The following RPRD1A variants were observed in gnomAD, a reference collection of about 807,000 sequenced individuals.
RPRD1A encodes regulation of nuclear pre-mRNA domain-containing protein 1A.
In RPRD1A, 9 loss-of-function variants were observed where a neutral mutation model predicts 37.8. That is an observed-to-expected ratio of 0.24 (90% CI 0.14 to 0.42). The LOEUF is 0.42. Among genes scored for constraint, RPRD1A ranks in the 10% least tolerant of loss-of-function variants. The probability of loss-of-function intolerance (pLI) is 1.00; values close to 1 mark genes in which losing one functional copy is unlikely to be tolerated. For synonymous variants in RPRD1A, 138 were observed against 139.7 expected (o/e 0.99, Z 0.08); for missense variants, 255 against 371.0 (o/e 0.69, Z 2.57).
At chr18:36,015,641 A>T (rs1342313320) in intron 6 of RPRD1A, among the ~76,000 whole-genome samples, 3 of 152,228 alleles carry the variant, frequency 2.0e-5, no homozygotes, top group Non-Finnish European at 2.9e-5. Flanking sequence ...TTCGGCCTTA[A>T]AAAGGAAGGA....
intron 1 of RPRD1A, among the ~76,000 whole-genome samples, chr18:36,055,216 T>C (rs1913676716): frequency 6.6e-6 from 1 of 152,240 alleles, no homozygotes; most frequent in East Asian, 1.9e-4. Context: ...ACAAAAATGA[T>C]TTGCTAGATT....
Position 36,030,844 on chromosome 18 carries a change from G to C in RPRD1A, c.450C>G (p.Asn150Lys). 1 of 1,613,296 alleles carries C rather than the reference G, an allele frequency of 6.2e-7. No individual in the cohort carries two copies. The highest frequency in any genetic ancestry group is 8.5e-7 in the Non-Finnish European group (1 of 1,179,490). ...CACTTGGAGATCCCAGAGAGGAACA[G>C]TTTTCATTTTCATCCACCTTTATCT... is the stretch of plus-strand genomic sequence containing the variant. ...YEQIKVDENE[N>K]CSSLGSPSEP... is the part of the protein sequence containing the mutation. The change falls in exon 4 of 7, where the codon AAC becomes AAG. Residue 150 changes from asparagine to lysine, a missense_variant. Asn to Lys is a moderately conservative substitution (Grantham distance 94, BLOSUM62 0). Coordinates refer to ENST00000399022, the MANE Select transcript of RPRD1A (RefSeq NM_018170.5).
intron 1 of RPRD1A, among the ~76,000 whole-genome samples, chr18:36,043,381 C>CAT (rs1396671242): frequency 3.3e-4 from 50 of 152,120 alleles, no homozygotes; most frequent in African/African-American, 1.1e-3. Context: ...TCTCCTGTAT[C>CAT]AATGCTTGGT....
intron 1 of RPRD1A, among the ~76,000 whole-genome samples, chr18:36,038,233 C>T (rs981550533): frequency 3.3e-5 from 5 of 152,088 alleles, no homozygotes; most frequent in African/African-American, 9.7e-5. Context: ...GCCCAGAGGC[C>T]GAGGAGGAAA....
chr18:35,995,937 G>A (rs571518883), intron 6 of RPRD1A, among the ~76,000 whole-genome samples: 4 of 152,286 alleles, frequency 2.6e-5, no homozygotes, highest in Non-Finnish European at 5.9e-5. Flanking sequence ...AATGAGGGAC[G>A]TGACCAGTAG....
chr18:36,030,413 G>T lies in RPRD1A; in HGVS notation c.486+395C>A, dbSNP rs1249386407. ...CAGGAGAATCGCTTGAACCCAGGAGGCAGAGGTTGCAGTGAGCCAAGATAG... is the reference window on the plus strand; with the variant it reads ...CAGGAGAATCGCTTGAACCCAGGAGTCAGAGGTTGCAGTGAGCCAAGATAG... On this transcript the variant is annotated intron_variant, in intron 4 of 6. Transcript: ENST00000399022. 6.6e-5 allele frequency among the ~76,000 whole-genome samples: 10 copies of T among 151,848 alleles called. No individual in the cohort carries two copies. In the East Asian group the frequency reaches 2.0e-3, roughly 30 times the overall value.
At chr18:36,008,589 A>ATATATATATATATCTATATC in intron 6 of RPRD1A, among the ~76,000 whole-genome samples, 1 of 90,828 alleles carries the variant, frequency 1.1e-5, no homozygotes, top group South Asian at 4.2e-4. Context: ...ATATATATAT[A>ATATATATATATATCTATATC]TCTTTAAAAA....
At chr18:36,063,007 A>G (rs958918512) in intron 1 of RPRD1A, 6 of 152,218 alleles carry the variant, frequency 3.9e-5, no homozygotes, top group African/African-American at 1.4e-4. Flanking sequence ...TGCATTTATC[A>G]GGAAAATTGT....
At chr18:36,022,965 TAAC>T (rs945130341) in intron 6 of RPRD1A, among the ~76,000 whole-genome samples, 1 of 152,104 alleles carries the variant, frequency 6.6e-6, no homozygotes, top group African/African-American at 2.4e-5. Context: ...GTCTCCAAAA[TAAC>T]AATAATAAAA....
chr18:36,025,739 G>A, intron 6 of RPRD1A: 1 of 832,974 alleles, frequency 1.2e-6, no homozygotes, highest in Non-Finnish European at 1.7e-6. Context: ...GACAAAAATT[G>A]TATGACATTA....
intron 6 of RPRD1A, among the ~76,000 whole-genome samples, chr18:36,007,879 A>T (rs1039716428): frequency 2.0e-5 from 3 of 152,144 alleles, no homozygotes; most frequent in Non-Finnish European, 4.4e-5. Flanking sequence ...TGGAGGTTGC[A>T]GTGAGCCGAG....
chr18:35,994,825 A>G (rs570567447), intron 6 of RPRD1A, among the ~76,000 whole-genome samples: 14 of 152,336 alleles, frequency 9.2e-5, no homozygotes, highest in Middle Eastern at 3.4e-3. Context: ...ACTCTTCTGC[A>G]CATCTACCAT....
intron 1 of RPRD1A, among the ~76,000 whole-genome samples, chr18:36,050,420 G>A (rs1913298740): frequency 6.6e-6 from 1 of 151,880 alleles, no homozygotes; most frequent in Non-Finnish European, 1.5e-5. Flanking sequence ...TAATGATTAG[G>A]TGCTACTGGT....
At chr18:36,004,776 A>G (rs1909636246) in intron 6 of RPRD1A, among the ~76,000 whole-genome samples, 1 of 152,122 alleles carries the variant, frequency 6.6e-6, no homozygotes, top group South Asian at 2.1e-4. Flanking sequence ...GGTGGCACAC[A>G]CTTGTAATCC....
At chr18:36,006,200 AT>A (rs900481914) in intron 6 of RPRD1A, among the ~76,000 whole-genome samples, 4 of 152,098 alleles carry the variant, frequency 2.6e-5, no homozygotes, top group African/African-American at 9.7e-5. Context: ...GCAGGGTTTT[AT>A]TTTTTGGAGA....
chr18:36,023,615 C>T (rs1302811592), intron 6 of RPRD1A, among the ~76,000 whole-genome samples: 1 of 152,224 alleles, frequency 6.6e-6, no homozygotes, highest in Non-Finnish European at 1.5e-5. Flanking sequence ...AAATGTACTG[C>T]ATCCTACAGA....
At chr18:36,022,967 A>T (rs1944326) in intron 6 of RPRD1A, among the ~76,000 whole-genome samples, 3,668 of 152,254 alleles carry the variant, frequency 0.024, 156 homozygotes, top group African/African-American at 0.082. Flanking sequence ...CTCCAAAATA[A>T]CAATAATAAA....
At position 35,993,176 on chromosome 18, in the gene RPRD1A, G is replaced by C; in HGVS notation, c.914C>G (p.Ala305Gly). 6.2e-7 allele frequency: 1 copy of C among 1,613,984 alleles called. No homozygotes were observed. The highest frequency in any genetic ancestry group is 8.5e-7 in the Non-Finnish European group (1 of 1,179,980). ...VTGSHMHLPF[A>G]GDIYSED The stretch of plus-strand genomic sequence containing the variant: ...TCAATCTTCACTGTAGATGTCTCCC[G>C]CAAAGGGCAGGTGCATGTGGCTGCC... The change falls in exon 7 of 7, where the codon GCG (alanine) becomes GGG (glycine). Residue 305 changes from alanine (A) to glycine (G), a missense_variant. By Grantham distance (60) the Ala-to-Gly change is moderately conservative (BLOSUM62 0). Coordinates refer to ENST00000399022, the MANE Select transcript of RPRD1A (RefSeq NM_018170.5).
At chr18:36,025,550 A>G in intron 6 of RPRD1A, 1 of 902,706 alleles carries the variant, frequency 1.1e-6, no homozygotes, top group Non-Finnish European at 1.5e-6. Flanking sequence ...AGCAGAATAA[A>G]GTTACAGTCT....
Sources: allele counts gnomAD v4.1 joint callset (sites outside exome capture counted in the v4.1 genomes callset), GRCh38; gene constraint gnomAD v4.1.1; transcripts MANE v1.5; gene names NCBI Gene and HGNC (gene_info 2026-07-23, HGNC 2026-07-21).